DUSP22: variants seen among roughly 807,000 people sequenced by gnomAD.
The protein encoded by DUSP22 is dual specificity protein phosphatase 22.
DUSP22 carries 24 observed loss-of-function variants against 24.5 expected under a neutral mutation model. That is an observed-to-expected ratio of 0.98 (90% CI 0.71 to 1.38). DUSP22 has a LOEUF of 1.38. Ranked by LOEUF, DUSP22 falls within the 40% of genes most tolerant of loss-of-function variation. The probability of loss-of-function intolerance (pLI) is 0.00; values close to 1 mark genes in which losing one functional copy is unlikely to be tolerated. For synonymous variants in DUSP22, 160 were observed against 106.4 expected (o/e 1.50, Z -3.10); for missense variants, 330 against 269.2 (o/e 1.23, Z -1.58).
intron 3 of DUSP22, among the ~76,000 whole-genome samples, chr6:319,681 A>G (rs1362166766): frequency 1.3e-5 from 2 of 152,310 alleles, no homozygotes; most frequent in Admixed American, 1.3e-4. Context: ...GTGGGTGTCA[A>G]GTTGCTAGAA....
intron 4 of DUSP22, among the ~76,000 whole-genome samples, chr6:340,737 G>T (rs1480732980): frequency 6.6e-6 from 1 of 152,302 alleles, no homozygotes; most frequent in African/African-American, 2.4e-5. Context: ...GGGCTTTTAG[G>T]GTAGGGCCAG....
At chr6:346,396 G>C (rs1226455084) in intron 5 of DUSP22, among the ~76,000 whole-genome samples, 1 of 152,208 alleles carries the variant, frequency 6.6e-6, no homozygotes, top group Non-Finnish European at 1.5e-5. Context: ...TTTAGTGACG[G>C]CTGTCTGTTT....
At chr6:324,071 T>G (rs1758735519) in intron 3 of DUSP22, among the ~76,000 whole-genome samples, 1 of 152,310 alleles carries the variant, frequency 6.6e-6, no homozygotes, top group South Asian at 2.1e-4. Flanking sequence ...TTTTAAAAAC[T>G]GTTCCTTTAA....
intron 4 of DUSP22, among the ~76,000 whole-genome samples, chr6:344,224 A>C (rs1210942399): frequency 4.7e-5 from 7 of 149,830 alleles, no homozygotes; most frequent in African/African-American, 1.8e-4. Flanking sequence ...GGCAGTCTGA[A>C]AAACTAAAGA....
chr6:344,622 G>A (rs1759770032), intron 4 of DUSP22, among the ~76,000 whole-genome samples: 1 of 152,294 alleles, frequency 6.6e-6, no homozygotes, highest in Admixed American at 6.5e-5. Context: ...AGAGCATATT[G>A]GCATGTATTA....
At chr6:348,436 G>C (rs549842617) in intron 6 of DUSP22, 162 bp downstream of exon 6, 24 of 1,203,444 alleles carry the variant, frequency 2.0e-5, no homozygotes, top group Admixed American at 2.6e-5. Flanking sequence ...AAGTCGTCAC[G>C]ATCCCTCGTG....
At position 349,499 on chromosome 6, in the gene DUSP22, A is replaced by G. The variant is rs1760076024; in HGVS notation, c.*548A>G. On this transcript the variant is annotated 3_prime_UTR_variant, in exon 7 of 7. Coordinates refer to ENST00000419235, the MANE Select transcript of DUSP22 (RefSeq NM_001286555.3). ...CAAAGAGCAGTCTGTGCCTCTGAGC[A>G]GACCGTGAGAACTCAGGGGACGAGT... 1.0e-6 allele frequency: 1 copy of G among 996,202 alleles called. No homozygotes were observed. The highest frequency in any genetic ancestry group is 1.2e-6 in the Non-Finnish European group (1 of 837,054). The allele number at this position is 996,202 out of a possible 1,614,324, so 61.7% of individuals were successfully genotyped here. A position where few individuals can be genotyped will look rare whatever the true frequency, so the allele number is the denominator to read the frequency against.
chr6:348,457 A>G (rs934777693), intron 6 of DUSP22, 183 bp downstream of exon 6: 33 of 1,051,150 alleles, frequency 3.1e-5, no homozygotes, highest in Non-Finnish European at 4.2e-5. Flanking sequence ...CACCTGTTGA[A>G]GCCACAGGCG....
chr6:311,333 A>T (rs980100097), intron 2 of DUSP22, among the ~76,000 whole-genome samples: 5 of 152,292 alleles, frequency 3.3e-5, no homozygotes, highest in African/African-American at 2.4e-5. Flanking sequence ...CTTCTTCCTC[A>T]TAGAAAGTTT....
chr6:317,764 G>T (rs1329594329), intron 3 of DUSP22, among the ~76,000 whole-genome samples: 1 of 152,306 alleles, frequency 6.6e-6, no homozygotes, highest in Non-Finnish European at 1.5e-5. Context: ...GCAGCACTCG[G>T]CTTGGATCCA....
intron 1 of DUSP22, among the ~76,000 whole-genome samples, chr6:297,829 A>G (rs1486348174): frequency 6.6e-6 from 1 of 152,304 alleles, no homozygotes; most frequent in Non-Finnish European, 1.5e-5. Flanking sequence ...TTGTGCTGCT[A>G]AATCCATTTT....
In DUSP22 at chr6:350,693, A is replaced by G; in HGVS notation, c.*1742A>G. 6.3e-7 allele frequency: 1 copy of G among 1,581,358 alleles called. No individual in the cohort carries two copies. On this transcript the variant is annotated 3_prime_UTR_variant, in exon 7 of 7. Transcript: ENST00000419235. ...TCCTAAGCCAAAAATAAATACGTTAACAGAAAAATGATTTAGGATATAGCT... is the reference window on the plus strand; with the variant it reads ...TCCTAAGCCAAAAATAAATACGTTAGCAGAAAAATGATTTAGGATATAGCT...
Position 348,869 on chromosome 6 carries a change from A to G in DUSP22, c.536A>G (p.Glu179Gly). ...LGKYKEQGRT[E>G]PQPGARRWSS... ...AAATATAAGGAGCAAGGGCGCACAG[A>G]GCCCCAGCCCGGCGCCAGGCGGTGG... Residue 179 changes from glutamate (E) to glycine (G), a missense_variant, in exon 7 of 7, where the codon GAG becomes GGG. Transcript: ENST00000419235. 7 of 1,614,282 alleles carry G rather than the reference A, an allele frequency of 4.3e-6. No homozygotes were observed. The highest frequency in any genetic ancestry group is 5.9e-6 in the Non-Finnish European group (7 of 1,180,048).
At chr6:339,828 C>A (rs550730804) in intron 4 of DUSP22, among the ~76,000 whole-genome samples, 57 of 152,396 alleles carry the variant, frequency 3.7e-4, no homozygotes, top group African/African-American at 1.3e-3. Context: ...CTCTTTTTCT[C>A]TCATTTACGT....
At chr6:336,622 C>G (rs558363204) in intron 4 of DUSP22, among the ~76,000 whole-genome samples, 1 of 152,294 alleles carries the variant, frequency 6.6e-6, no homozygotes, top group Non-Finnish European at 1.5e-5. Context: ...AGGAGGGGAA[C>G]GGGAGGTGGG....
intron 3 of DUSP22, among the ~76,000 whole-genome samples, chr6:319,665 A>C (rs1238531899): frequency 6.6e-6 from 1 of 152,304 alleles, no homozygotes; most frequent in Admixed American, 6.5e-5. Flanking sequence ...CTTACCGAAA[A>C]ACACTGTGGG....
intron 2 of DUSP22, among the ~76,000 whole-genome samples, chr6:305,029 T>G (rs1757759541): frequency 6.6e-6 from 1 of 152,308 alleles, no homozygotes; most frequent in Non-Finnish European, 1.5e-5. Flanking sequence ...AGAATGGCCT[T>G]CCTTCTTAAA....
Position 349,012 on chromosome 6 carries a change from G to T in DUSP22, c.*61G>T. 6.5e-7 allele frequency: 1 copy of T among 1,542,784 alleles called. No homozygotes were observed. Among genetic ancestry groups the T allele is most frequent in the Non-Finnish European group, 8.7e-7 (1 of 1,143,030 alleles). On this transcript the variant is annotated 3_prime_UTR_variant, in exon 7 of 7. Coordinates refer to ENST00000419235, the MANE Select transcript of DUSP22 (RefSeq NM_001286555.3). Reference sequence around the variant, plus strand: ...TCTTCAGTGTGCCCGGCTGGGCAGGGGTGCGGTGGTGGTGGCCGATGAGGA... The same window carrying T: ...TCTTCAGTGTGCCCGGCTGGGCAGGTGTGCGGTGGTGGTGGCCGATGAGGA...
chr6:323,240 ATGTG>A (rs5873739), intron 3 of DUSP22, among the ~76,000 whole-genome samples: 23,755 of 148,036 alleles, frequency 0.16, 126 homozygotes, highest in East Asian at 0.28. Context: ...GCGTGTGTGC[ATGTG>A]TGTGTGTGTG....
Sources: allele counts gnomAD v4.1 joint callset (sites outside exome capture counted in the v4.1 genomes callset), GRCh38; gene constraint gnomAD v4.1.1; transcripts MANE v1.5; gene names NCBI Gene and HGNC (gene_info 2026-07-23, HGNC 2026-07-21).